Variants in DPYD observed in about 807,000 individuals in gnomAD.
DPYD encodes dihydropyrimidine dehydrogenase, also known as dihydropyrimidine dehydrogenase [NADP(+)].
Under a neutral mutation model 116.2 loss-of-function variants are expected in DPYD, and 109 were observed. The ratio of observed to expected loss-of-function variants is 0.94; its 90% CI spans 0.80 to 1.10. The LOEUF is 1.10. DPYD is among the 50% of genes least tolerant of loss of function. DPYD has a pLI of 0.00. For missense variants in DPYD, 1,302 were observed against 1,254.5 expected (o/e 1.04, Z -0.57); for synonymous variants, 440 against 432.0 (o/e 1.02, Z -0.23).
intron 11 of DPYD, among the ~76,000 whole-genome samples, chr1:97,561,495 G>T (rs1194962034): frequency 6.6e-6 from 1 of 152,134 alleles, no homozygotes; most frequent in Admixed American, 6.6e-5. Context: ...GTACCCTGCA[G>T]TGGTACTGTC....
chr1:97,207,779 CTT>C (rs1460604083), intron 19 of DPYD, among the ~76,000 whole-genome samples: 3 of 152,116 alleles, frequency 2.0e-5, no homozygotes, highest in Non-Finnish European at 4.4e-5. Flanking sequence ...TCTAGACTCT[CTT>C]ATCTAATTTT....
At chr1:97,409,219 C>T (rs1463669499) in intron 14 of DPYD, among the ~76,000 whole-genome samples, 1 of 152,028 alleles carries the variant, frequency 6.6e-6, no homozygotes, top group African/African-American at 2.4e-5. Flanking sequence ...TTTAAATTCC[C>T]CAAATATGAT....
intron 13 of DPYD, among the ~76,000 whole-genome samples, chr1:97,513,173 G>A (rs563235820): frequency 6.6e-6 from 1 of 151,350 alleles, no homozygotes; most frequent in South Asian, 2.1e-4. Context: ...AATGTCAAGA[G>A]TATAAAATAT....
At chr1:97,795,899 C>T (rs1013750013) in intron 3 of DPYD, among the ~76,000 whole-genome samples, 4 of 151,844 alleles carry the variant, frequency 2.6e-5, no homozygotes, top group African/African-American at 7.2e-5. Context: ...AAGTGTTCTT[C>T]CCTGTGTTAC....
At position 97,814,392 on chromosome 1, in the gene DPYD, T is replaced by G; in HGVS notation, c.233+13722A>C. Among the ~76,000 whole-genome samples, 2 of 152,138 alleles carry G rather than the reference T, an allele frequency of 1.3e-5. 1 individual carries two copies. Among genetic ancestry groups the G allele is most frequent in the Non-Finnish European group, 2.9e-5 (2 of 68,014 alleles). ...TTGGAGAGAAAGGTCACAATTTGGT[T>G]CATCCTGGTGATCTGTGGAAAATGG... is the stretch of plus-strand genomic sequence containing the variant. On this transcript the variant is annotated intron_variant, in intron 3 of 22. Transcript: ENST00000370192.
intron 4 of DPYD, among the ~76,000 whole-genome samples, chr1:97,738,081 GA>G (rs1199288618): frequency 6.6e-6 from 1 of 152,078 alleles, no homozygotes; most frequent in East Asian, 1.9e-4. Context: ...AAGTTTTAAG[GA>G]GAATATATCT....
In DPYD at chr1:97,234,890, C is replaced by G; in HGVS notation, c.2404G>C (p.Gly802Arg). 1 of 1,613,920 alleles carries G rather than the reference C, an allele frequency of 6.2e-7. No homozygotes were observed. Among genetic ancestry groups the G allele is most frequent in the Non-Finnish European group, 8.5e-7 (1 of 1,179,954 alleles). The stretch of plus-strand genomic sequence containing the variant: ...GCACCACTATGGAGAAACTGAAGAC[C>G]ACTTTCAGCAGAGTCAATTCCACCA... ...ATGGIDSAES[G>R]LQFLHSGASV... Residue 802 changes from glycine (G) to arginine (R), a missense_variant, in exon 19 of 23, where the codon GGT becomes CGT. Physicochemically the swap from Gly to Arg is moderately radical, Grantham distance 125. Coordinates refer to ENST00000370192, the MANE Select transcript of DPYD (RefSeq NM_000110.4).
At chr1:97,096,729 T>C (rs1650275056) in intron 21 of DPYD, among the ~76,000 whole-genome samples, 1 of 152,136 alleles carries the variant, frequency 6.6e-6, no homozygotes, top group Admixed American at 6.6e-5. Flanking sequence ...AAGGGCACTC[T>C]GATAGGACAA....
chr1:97,525,197 A>G (rs773639127), intron 12 of DPYD, among the ~76,000 whole-genome samples: 4 of 152,202 alleles, frequency 2.6e-5, no homozygotes, highest in Non-Finnish European at 5.9e-5. Context: ...AGTCTTTCGC[A>G]GCACAGGAAT....
chr1:97,214,923 C>T (rs1660275754), intron 19 of DPYD, among the ~76,000 whole-genome samples: 1 of 152,136 alleles, frequency 6.6e-6, no homozygotes, highest in Admixed American at 6.5e-5. Flanking sequence ...AACACTTGAC[C>T]CTTTCCTTGG....
At chr1:97,426,090 T>C (rs889712885) in intron 14 of DPYD, among the ~76,000 whole-genome samples, 2 of 152,038 alleles carry the variant, frequency 1.3e-5, no homozygotes, top group African/African-American at 4.8e-5. Flanking sequence ...TTAGTGTTCA[T>C]TAAATATAGG....
At chr1:97,777,270 T>C (rs1666461858) in intron 3 of DPYD, among the ~76,000 whole-genome samples, 1 of 152,184 alleles carries the variant, frequency 6.6e-6, no homozygotes. Context: ...TTTTTTCACT[T>C]ACCATAGAGA....
chr1:97,367,659 C>T (rs778704736), intron 16 of DPYD, among the ~76,000 whole-genome samples: 12 of 152,152 alleles, frequency 7.9e-5, no homozygotes, highest in Non-Finnish European at 1.8e-4. Flanking sequence ...AAAGCTACGG[C>T]AGTCTTCTCT....
intron 19 of DPYD, among the ~76,000 whole-genome samples, chr1:97,207,787 A>AT (rs1371056428): frequency 6.6e-6 from 1 of 152,036 alleles, no homozygotes; most frequent in Non-Finnish European, 1.5e-5. Context: ...CTCTTATCTA[A>AT]TTTTTTTGGG....
intron 20 of DPYD, among the ~76,000 whole-genome samples, chr1:97,109,121 C>T (rs892907567): frequency 6.6e-6 from 1 of 152,022 alleles, no homozygotes. Flanking sequence ...TTCACCACAA[C>T]TATTTAAAAT....
chr1:97,512,052 T>G (rs1184272494), intron 13 of DPYD, among the ~76,000 whole-genome samples: 1 of 151,968 alleles, frequency 6.6e-6, no homozygotes, highest in African/African-American at 2.4e-5. Context: ...TTTTATGTGT[T>G]AACTGTCTGT....
chr1:97,524,079 C>T (rs918311351), intron 12 of DPYD, among the ~76,000 whole-genome samples: 2 of 151,770 alleles, frequency 1.3e-5, no homozygotes, highest in South Asian at 2.1e-4. Context: ...GTCATGAAGG[C>T]CAAGGGTTGA....
intron 5 of DPYD, among the ~76,000 whole-genome samples, chr1:97,703,826 T>G (rs1661743947): frequency 6.6e-6 from 1 of 152,046 alleles, no homozygotes; most frequent in Non-Finnish European, 1.5e-5. Context: ...GTATTTGTTA[T>G]AGTTATTTTT....
At chr1:97,514,453 G>A (rs1648052206) in intron 13 of DPYD, among the ~76,000 whole-genome samples, 1 of 151,732 alleles carries the variant, frequency 6.6e-6, no homozygotes, top group Non-Finnish European at 1.5e-5. Context: ...TATGCTATCT[G>A]AGACTCAGTT....
Sources: allele counts gnomAD v4.1 joint callset (sites outside exome capture counted in the v4.1 genomes callset), GRCh38; gene constraint gnomAD v4.1.1; transcripts MANE v1.5; gene names NCBI Gene and HGNC (gene_info 2026-07-23, HGNC 2026-07-21).